FBXL13: variants seen among roughly 807,000 people sequenced by gnomAD.
FBXL13 encodes the protein F-box and leucine rich repeat protein 13.
FBXL13 carries 67 observed loss-of-function variants against 83.6 expected under a neutral mutation model. That is an observed-to-expected ratio of 0.80 (90% CI 0.66 to 0.98). The LOEUF (loss-of-function observed/expected upper bound fraction) is 0.98. FBXL13 is among the 50% of genes least tolerant of loss of function. The pLI is 0.00. For missense variants in FBXL13, 822 were observed against 866.5 expected, an observed-to-expected ratio of 0.95 and a Z score of 0.64; for synonymous variants, 272 against 299.5, an observed-to-expected ratio of 0.91 and a Z score of 0.95.
downstream of FBXL13, among the ~76,000 whole-genome samples, chr7:102,812,292 A>G (rs1257198375): frequency 6.6e-6 from 1 of 152,262 alleles, no homozygotes; most frequent in Non-Finnish European, 1.5e-5. Context: ...TAATATGTAG[A>G]TATGCAATTA....
intron 17 of FBXL13, among the ~76,000 whole-genome samples, chr7:102,845,992 A>C (rs2129450024): frequency 6.6e-6 from 1 of 152,312 alleles, no homozygotes; most frequent in Admixed American, 6.5e-5. Flanking sequence ...ACTTGGGAGA[A>C]GTTTTTAACC....
intron 5 of FBXL13, 80 bp from the exon 7 acceptor site, chr7:103,025,310 G>A: frequency 2.4e-6 from 2 of 830,732 alleles, no homozygotes; most frequent in East Asian, 2.7e-5. Flanking sequence ...CACAGTGCTT[G>A]ACACAAGAAT....
chr7:102,934,699 T>C, intron 8 of FBXL13: 1 of 1,560,006 alleles, frequency 6.4e-7, no homozygotes, highest in Non-Finnish European at 8.6e-7. Context: ...TGTACTTTTC[T>C]TACTTTTTCA....
At chr7:103,001,876 CTCTT>C (rs1317916638) in intron 6 of FBXL13, among the ~76,000 whole-genome samples, 1 of 152,184 alleles carries the variant, frequency 6.6e-6, no homozygotes, top group Non-Finnish European at 1.5e-5. Context: ...ATTAGCTTCT[CTCTT>C]TCCCCAGCTT....
At chr7:102,976,242 T>A (rs774786513) in intron 6 of FBXL13, 1 of 725,254 alleles carries the variant, frequency 1.4e-6, no homozygotes, top group Admixed American at 1.8e-5. Context: ...TAGGCCAGTA[T>A]GTTTTTAAAA....
intron 16 of FBXL13, among the ~76,000 whole-genome samples, chr7:102,857,184 A>G: frequency 6.6e-6 from 1 of 151,694 alleles, no homozygotes; most frequent in East Asian, 2.0e-4. Context: ...CAAAGATTTT[A>G]TATAGCTAAG....
chr7:103,054,407 A>AG (rs1554516113), intron 2 of FBXL13, among the ~76,000 whole-genome samples: 93 of 151,462 alleles, frequency 6.1e-4, no homozygotes, highest in African/African-American at 1.9e-3. Flanking sequence ...AAAAAAAAAA[A>AG]AGAGAGAGAG....
rs138404164 is a variant in FBXL13, at chr7:102,948,954, C to T, written c.724+14579G>A. ...CTCAAACTCCTGGCCTCAAGTGATC[C>T]GCGTGCCTTGGCCTCTCAAAGTACT... is the stretch of plus-strand genomic sequence containing the variant. On this transcript the variant is annotated intron_variant, in intron 8 of 19. Coordinates refer to ENST00000313221, the Ensembl canonical transcript of FBXL13. Among the ~76,000 whole-genome samples the T allele has an allele frequency of 6.1e-3, 923 of 151,430 alleles. 12 individuals are homozygous for T. The highest frequency in any genetic ancestry group is 0.022 in the African/African-American group (888 of 41,150).
intron 6 of FBXL13, chr7:102,975,885 C>T: frequency 1.4e-6 from 1 of 734,952 alleles, no homozygotes. Flanking sequence ...TTGCCTCCTC[C>T]ATCAGGGGCC....
chr7:102,899,203 G>A (rs1429636132), intron 11 of FBXL13, among the ~76,000 whole-genome samples: 2 of 152,188 alleles, frequency 1.3e-5, no homozygotes, highest in Non-Finnish European at 1.5e-5. Flanking sequence ...GTGAGCCACC[G>A]TGCCCAGTCT....
intron 6 of FBXL13, among the ~76,000 whole-genome samples, chr7:103,022,850 T>C (rs1472337111): frequency 2.6e-5 from 4 of 152,056 alleles, no homozygotes; most frequent in African/African-American, 9.7e-5. Flanking sequence ...AAAGAACTTC[T>C]AGCAGCAAAA....
intron 6 of FBXL13, among the ~76,000 whole-genome samples, chr7:102,998,247 CT>C (rs1224881724): frequency 3.3e-5 from 5 of 152,068 alleles, no homozygotes; most frequent in Non-Finnish European, 1.5e-5. Context: ...ATTATTTGTT[CT>C]TTTTATGTTC....
At chr7:102,838,220 A>C (rs984205220) in intron 17 of FBXL13, among the ~76,000 whole-genome samples, 14 of 152,202 alleles carry the variant, frequency 9.2e-5, no homozygotes, top group African/African-American at 3.4e-4. Context: ...CTTACCCCTC[A>C]ATATTCTCAT....
At chr7:102,923,982 G>A (rs1817578928) in intron 10 of FBXL13, among the ~76,000 whole-genome samples, 1 of 152,088 alleles carries the variant, frequency 6.6e-6, no homozygotes, top group Non-Finnish European at 1.5e-5. Flanking sequence ...GCTCACACTT[G>A]TAATCCCAGC....
chr7:103,036,453 ATGAAG>A (rs1321253791), intron 2 of FBXL13, among the ~76,000 whole-genome samples: 1 of 152,146 alleles, frequency 6.6e-6, no homozygotes, highest in African/African-American at 2.4e-5. Context: ...ACGGCATGGT[ATGAAG>A]TGTTGAATTT....
intron 16 of FBXL13, among the ~76,000 whole-genome samples, chr7:102,860,929 T>C (rs1322973609): frequency 2.0e-5 from 3 of 151,950 alleles, no homozygotes; most frequent in African/African-American, 7.2e-5. Context: ...ATTTTATTCA[T>C]ATATATGTAT....
intron 8 of FBXL13, chr7:102,933,826 G>A: frequency 7.2e-7 from 1 of 1,397,554 alleles, no homozygotes; most frequent in Non-Finnish European, 9.6e-7. Context: ...AACTGCATTA[G>A]TTAAGATTAC....
At chr7:102,900,612 T>C (rs1213860814) in intron 11 of FBXL13, among the ~76,000 whole-genome samples, 1 of 152,184 alleles carries the variant, frequency 6.6e-6, no homozygotes, top group East Asian at 1.9e-4. Flanking sequence ...CTCAAAAGAC[T>C]TAATAAGTCA....
intron 19 of FBXL13, among the ~76,000 whole-genome samples, chr7:102,821,456 A>G (rs1047323124): frequency 6.6e-6 from 1 of 152,220 alleles, no homozygotes; most frequent in Non-Finnish European, 1.5e-5. Flanking sequence ...AGCTCATGCC[A>G]TAACTACTTA....
Sources: allele counts gnomAD v4.1 joint callset (sites outside exome capture counted in the v4.1 genomes callset), GRCh38; gene constraint gnomAD v4.1.1; transcripts MANE v1.5; gene names NCBI Gene and HGNC (gene_info 2026-07-23, HGNC 2026-07-21).